UVRAG: variants seen among roughly 807,000 people sequenced by gnomAD.
UVRAG encodes UV radiation resistance-associated gene protein.
Under a neutral mutation model 78.0 loss-of-function variants are expected in UVRAG, and 19 were observed. That is an observed-to-expected ratio of 0.24 (90% CI 0.17 to 0.36). The LOEUF is 0.36. Among genes scored for constraint, UVRAG ranks in the 10% least tolerant of loss-of-function variants. The probability of loss-of-function intolerance (pLI) is 1.00; values close to 1 mark genes in which losing one functional copy is unlikely to be tolerated. For missense variants in UVRAG, 740 were observed against 853.8 expected, an observed-to-expected ratio of 0.87 and a Z score of 1.66; for synonymous variants, 323 against 324.6, an observed-to-expected ratio of 1.00 and a Z score of 0.05.
intron 1 of UVRAG, among the ~76,000 whole-genome samples, chr11:75,830,707 C>T (rs570466671): frequency 6.6e-6 from 1 of 152,348 alleles, no homozygotes; most frequent in East Asian, 1.9e-4. Context: ...ACTAGGTTAT[C>T]TGTAGCTCTG....
chr11:75,843,631 CTA>C (rs1469307109), intron 1 of UVRAG, among the ~76,000 whole-genome samples: 5 of 152,130 alleles, frequency 3.3e-5, no homozygotes, highest in Non-Finnish European at 2.9e-5. Context: ...ATCTCTAGCC[CTA>C]TGTCCTTCTA....
rs546650741 is a variant in UVRAG, at chr11:76,129,047, C to T, written c.1398-11664C>T. The stretch of plus-strand genomic sequence containing the variant: ...TCCAAAGCACTTTGAACATAGTATT[C>T]AGTTAACTCATTTACTCCTCACACA... On this transcript the variant is annotated intron_variant, in intron 14 of 14. Coordinates refer to ENST00000356136, the MANE Select transcript of UVRAG (RefSeq NM_003369.4). Among the ~76,000 whole-genome samples, 9 of 152,278 alleles carry T rather than the reference C, an allele frequency of 5.9e-5. No individual in the cohort carries two copies. In the South Asian group the frequency reaches 1.9e-3, roughly 32 times the overall value.
intron 13 of UVRAG, among the ~76,000 whole-genome samples, chr11:76,071,132 T>C (rs777918127): frequency 2.6e-5 from 4 of 152,134 alleles, no homozygotes; most frequent in Non-Finnish European, 5.9e-5. Context: ...GAGAAAGTCA[T>C]TTTAGATTGC....
chr11:75,877,648 A>G (rs557258092), intron 3 of UVRAG, among the ~76,000 whole-genome samples: 7,940 of 88,048 alleles, frequency 0.09, 1,062 homozygotes, highest in African/African-American at 0.31. Context: ...GCGGCTGGCC[A>G]GGCAGAGGGG....
At chr11:75,943,319 A>T (rs539765066) in intron 6 of UVRAG, among the ~76,000 whole-genome samples, 116 of 136,318 alleles carry the variant, frequency 8.5e-4, no homozygotes, top group Middle Eastern at 3.5e-3. Context: ...TTTTTTTTTT[A>T]AATTTATTGG....
chr11:75,957,472 A>G (rs950682330), intron 6 of UVRAG, among the ~76,000 whole-genome samples: 1 of 151,830 alleles, frequency 6.6e-6, no homozygotes, highest in Non-Finnish European at 1.5e-5. Context: ...GTAACTTAAT[A>G]GAAACTCTTG....
intron 1 of UVRAG, among the ~76,000 whole-genome samples, chr11:75,828,301 C>T (rs1945560519): frequency 6.6e-6 from 1 of 152,030 alleles, no homozygotes; most frequent in Non-Finnish European, 1.5e-5. Context: ...GATAGTCATA[C>T]ACTTCTATCA....
chr11:75,965,843 G>T (rs1949011422), intron 7 of UVRAG, among the ~76,000 whole-genome samples: 1 of 151,836 alleles, frequency 6.6e-6, no homozygotes. Context: ...GATTTTCTTT[G>T]TAAAGAATCA....
At chr11:75,944,618 T>G (rs75628096) in intron 6 of UVRAG, among the ~76,000 whole-genome samples, 2,700 of 152,228 alleles carry the variant, frequency 0.018, 74 homozygotes, top group African/African-American at 0.061. Context: ...GGAGACATGG[T>G]TTTTCCTCTT....
chr11:75,993,511 G>C (rs1365829792), intron 8 of UVRAG, among the ~76,000 whole-genome samples: 1 of 152,108 alleles, frequency 6.6e-6, no homozygotes, highest in Non-Finnish European at 1.5e-5. Context: ...TTTCCCCTCA[G>C]TAACTCAAGC....
intron 12 of UVRAG, among the ~76,000 whole-genome samples, chr11:76,050,866 A>G (rs1163172869): frequency 1.3e-5 from 2 of 152,186 alleles, no homozygotes. Context: ...TCAGAGTAGC[A>G]TGTTCTAGTT....
rs565926131 is a variant in UVRAG at position 75,890,547 on chromosome 11, A to G, written c.507+1644A>G. On this transcript the variant is annotated intron_variant, in intron 5 of 14. Transcript: ENST00000356136. ...GAGAAAACTAAGTGACACTGGAGGA[A>G]AACCAGGTTTGGTGGAGGCAGATTG... is the stretch of plus-strand genomic sequence containing the variant. Among the ~76,000 whole-genome samples the G allele has an allele frequency of 7.6e-4, 115 of 152,200 alleles. 1 individual carries two copies. Among genetic ancestry groups the G allele is most frequent in the African/African-American group, 2.7e-3 (111 of 41,454 alleles).
At chr11:75,872,432 A>C (rs887490198) in intron 3 of UVRAG, among the ~76,000 whole-genome samples, 1 of 140,130 alleles carries the variant, frequency 7.1e-6, no homozygotes, top group Admixed American at 7.5e-5. Flanking sequence ...TCTGTCGCCC[A>C]GGCTAGAGTG....
intron 6 of UVRAG, among the ~76,000 whole-genome samples, chr11:75,960,049 A>C (rs963577480): frequency 6.6e-6 from 1 of 152,198 alleles, no homozygotes; most frequent in Non-Finnish European, 1.5e-5. Flanking sequence ...CTCTGATCAC[A>C]GGTCACCATA....
intron 8 of UVRAG, among the ~76,000 whole-genome samples, chr11:75,993,607 C>G (rs937200840): frequency 2.6e-5 from 4 of 152,242 alleles, no homozygotes; most frequent in South Asian, 4.1e-4. Flanking sequence ...AAAAGCAACA[C>G]TCTATCAAAA....
chr11:76,082,027 A>G (rs934205084), intron 13 of UVRAG, among the ~76,000 whole-genome samples: 9 of 152,120 alleles, frequency 5.9e-5, no homozygotes, highest in Admixed American at 6.5e-5. Flanking sequence ...AGGAATGAAA[A>G]CTATACAAAA....
chr11:76,074,516 T>A (rs1401822064), intron 13 of UVRAG, among the ~76,000 whole-genome samples: 1 of 152,202 alleles, frequency 6.6e-6, no homozygotes, highest in East Asian at 1.9e-4. Flanking sequence ...CAAATAATAA[T>A]GATGATTTAC....
intron 12 of UVRAG, among the ~76,000 whole-genome samples, chr11:76,050,566 CT>C (rs1226015774): frequency 1.3e-5 from 2 of 152,086 alleles, no homozygotes; most frequent in South Asian, 4.1e-4. Flanking sequence ...CATAAGAATA[CT>C]TTTTGATTTC....
At chr11:75,924,883 A>G (rs1948061622) in intron 6 of UVRAG, among the ~76,000 whole-genome samples, 1 of 152,186 alleles carries the variant, frequency 6.6e-6, no homozygotes, top group African/African-American at 2.4e-5. Flanking sequence ...CCTTCCCAAA[A>G]CATGTTCAGA....
Sources: gnomAD v4.1 joint callset for allele counts (sites outside exome capture counted in the v4.1 genomes callset) on GRCh38, gnomAD v4.1.1 for gene constraint, MANE v1.5 for transcripts, NCBI Gene and HGNC (gene_info 2026-07-23, HGNC 2026-07-21) for gene names.